The following KDM5A variants were observed in gnomAD, a reference collection of about 807,000 sequenced individuals.
The protein encoded by KDM5A is lysine-specific demethylase 5A.
A neutral mutation model predicts 193.5 loss-of-function variants in KDM5A; 42 were observed. The ratio of observed to expected loss-of-function variants is 0.22; its 90% CI spans 0.17 to 0.28. The LOEUF (loss-of-function observed/expected upper bound fraction) is 0.28. Among genes scored for constraint, KDM5A ranks in the 10% least tolerant of loss-of-function variants. The pLI is 1.00. For missense variants in KDM5A, 1,692 were observed against 2,055.1 expected (o/e 0.82, Z 3.42); for synonymous variants, 796 against 718.1 (o/e 1.11, Z -1.73).
In KDM5A at chr12:284,453, G is replaced by A. The variant is rs1160531075; in HGVS notation, c.*1003C>T. The A allele has an allele frequency of 4.3e-6, 1 of 232,472 alleles. No individual in the cohort carries two copies. Among genetic ancestry groups the A allele is most frequent in the East Asian group, 6.1e-5 (1 of 16,440 alleles). 14.4% of individuals were successfully genotyped at this position (232,472 alleles called of 1,614,324 possible). A position where few individuals can be genotyped will look rare whatever the true frequency, so the allele number is the denominator to read the frequency against. Reference sequence around the variant, plus strand: ...TGTGGGCCGTAGTTAGAAATCACCAGTGTTGGAAACAGCAGACATTGGGGT... The same window carrying A: ...TGTGGGCCGTAGTTAGAAATCACCAATGTTGGAAACAGCAGACATTGGGGT... On this transcript the variant is annotated 3_prime_UTR_variant, in exon 28 of 28. Transcript: ENST00000399788.
chr12:346,242 C>G (rs891425796), intron 10 of KDM5A, among the ~76,000 whole-genome samples: 1 of 152,116 alleles, frequency 6.6e-6, no homozygotes, highest in African/African-American at 2.4e-5. Flanking sequence ...CTGAACAGAC[C>G]AATAGCAGGC....
intron 5 of KDM5A, among the ~76,000 whole-genome samples, chr12:359,656 G>A (rs1944269717): frequency 1.3e-5 from 2 of 150,806 alleles, no homozygotes; most frequent in African/African-American, 2.4e-5. Flanking sequence ...GTGGGAGGAT[G>A]GCTTTAGCCC....
intron 20 of KDM5A, among the ~76,000 whole-genome samples, chr12:312,027 C>CT (rs1682189503): frequency 6.6e-6 from 1 of 152,048 alleles, no homozygotes; most frequent in Non-Finnish European, 1.5e-5. Context: ...GAGCAAGACT[C>CT]TGTCTCAAAA....
At chr12:290,428 CG>C (rs1399622156) in intron 27 of KDM5A, among the ~76,000 whole-genome samples, 1 of 152,286 alleles carries the variant, frequency 6.6e-6, no homozygotes, top group East Asian at 1.9e-4. Context: ...CTCACCTTTA[CG>C]TATCGTAACA....
chr12:380,621 G>C (rs1302017584), intron 3 of KDM5A, among the ~76,000 whole-genome samples: 1 of 151,950 alleles, frequency 6.6e-6, no homozygotes, highest in Non-Finnish European at 1.5e-5. Context: ...TACTCAGAAG[G>C]CTGAGGCATG....
At chr12:323,947 A>G (rs1375986130) in intron 14 of KDM5A, among the ~76,000 whole-genome samples, 166 bp from the exon 15 acceptor site, 7 of 152,234 alleles carry the variant, frequency 4.6e-5, no homozygotes, top group Admixed American at 1.3e-4. Flanking sequence ...AATCATTGCT[A>G]AATTTTTTTC....
At position 301,083 on chromosome 12, in the gene KDM5A, G is replaced by A. The variant is rs527877827; in HGVS notation, c.4075-3883C>T. Among the ~76,000 whole-genome samples, 164 of 152,220 alleles carry A rather than the reference G, an allele frequency of 1.1e-3. 1 individual carries two copies. The highest frequency in any genetic ancestry group is 1.7e-3 in the Non-Finnish European group (119 of 68,002). On this transcript the variant is annotated intron_variant, in intron 24 of 27. Coordinates refer to ENST00000399788, the MANE Select transcript of KDM5A (RefSeq NM_001042603.3). ...TCCAGGACCAGACAGATTCATAGCC[G>A]AATTCTACCAGAGGTACAAAGAGGA...
At position 323,812 on chromosome 12, in the gene KDM5A, T is replaced by G. The variant is rs374201991; in HGVS notation, c.1969-31A>C. On this transcript the variant is annotated intron_variant, in intron 14 of 27. Coordinates refer to ENST00000399788, the MANE Select transcript of KDM5A (RefSeq NM_001042603.3). ...ATATAATTTATTTCACTAGATCAAG[T>G]CTTTCTAGTCTTTAAAGCATCAAAA... 2.5e-6 allele frequency: 4 copies of G among 1,571,052 alleles called. No individual in the cohort carries two copies. The African/African-American group carries it at 5.4e-5, about 21-fold the overall frequency.
intron 3 of KDM5A, among the ~76,000 whole-genome samples, chr12:381,241 G>A (rs1476189983): frequency 6.6e-6 from 1 of 152,106 alleles, no homozygotes; most frequent in Non-Finnish European, 1.5e-5. Context: ...TGATCCTCCT[G>A]CCTCAGCCTC....
Position 282,106 on chromosome 12 carries a change from G to A in KDM5A, c.*3350C>T, listed in dbSNP as rs1376929400. On this transcript the variant is annotated 3_prime_UTR_variant, in exon 28 of 28. Transcript: ENST00000399788. ...CTAACCTTACAGCTCAGCCTGCACA[G>A]AAGCACAGAAGCAAAGCCCAGGCAG... The A allele has an allele frequency of 3.3e-6, 1 of 302,738 alleles. No homozygotes were observed. The highest frequency in any genetic ancestry group is 6.4e-6 in the Non-Finnish European group (1 of 156,970). 18.8% of individuals were successfully genotyped at this position (302,738 alleles called of 1,614,324 possible).
At chr12:381,999 T>C (rs765568819) in intron 3 of KDM5A, among the ~76,000 whole-genome samples, 3 of 152,076 alleles carry the variant, frequency 2.0e-5, no homozygotes, top group Admixed American at 1.3e-4. Flanking sequence ...TTTGTAGAGA[T>C]GGAGTCTCAC....
chr12:300,977 C>T (rs1008604389), intron 24 of KDM5A, among the ~76,000 whole-genome samples: 13 of 152,050 alleles, frequency 8.5e-5, no homozygotes, highest in African/African-American at 2.7e-4. Flanking sequence ...ACGACTAAAC[C>T]AGGAAGAAGT....
intron 1 of KDM5A, among the ~76,000 whole-genome samples, chr12:386,647 G>C (rs1944640723): frequency 6.6e-6 from 1 of 152,144 alleles, no homozygotes; most frequent in Admixed American, 6.6e-5. Context: ...AGGAGCTTAA[G>C]ACCAGCCCAG....
At chr12:384,263 T>A in intron 2 of KDM5A, 110 bp from the exon 3 acceptor site, 1 of 822,834 alleles carries the variant, frequency 1.2e-6, no homozygotes, top group Non-Finnish European at 2.1e-6. Flanking sequence ...CAGCGGCCTG[T>A]TAGGAACCCA....
At chr12:311,324 A>G in intron 20 of KDM5A, 1 of 463,818 alleles carries the variant, frequency 2.2e-6, no homozygotes, top group Non-Finnish European at 3.9e-6. Context: ...AGTTCAAAGG[A>G]CAATCTAAAG....
chr12:318,288 G>A lies in KDM5A; in HGVS notation c.2715C>T (p.Asp905=), dbSNP rs747419006. ...KQELQQARWL[D]EVRLTLSDPQ... is the part of the protein sequence containing the mutation. ...GATCTGATAAGGTCAGTCTTACTTC[G>A]TCCAACCACCGAGCCTGTTGTAGCT... The change falls in exon 19 of 28, where the codon GAC becomes GAT. Residue 905 remains aspartate (D), a synonymous_variant. Transcript: ENST00000399788. 8 of 1,613,852 alleles carry A rather than the reference G, an allele frequency of 5.0e-6. No individual in the cohort carries two copies. Among genetic ancestry groups the A allele is most frequent in the South Asian group, 1.1e-5 (1 of 91,076 alleles).
intron 14 of KDM5A, among the ~76,000 whole-genome samples, chr12:325,137 T>A (rs1187042768): frequency 1.8e-4 from 27 of 152,220 alleles, no homozygotes; most frequent in Admixed American, 1.8e-3. Context: ...TATTCTCTTA[T>A]CTTTCCATTT....
chr12:336,009 C>T (rs1323774624), intron 10 of KDM5A, among the ~76,000 whole-genome samples: 8 of 137,554 alleles, frequency 5.8e-5, no homozygotes, highest in Non-Finnish European at 1.2e-4. Context: ...CGGCATTGCA[C>T]TCCAGTCTGG....
chr12:358,074 A>T (rs1199773833), intron 5 of KDM5A, among the ~76,000 whole-genome samples: 1 of 152,260 alleles, frequency 6.6e-6, no homozygotes, highest in South Asian at 2.1e-4. Context: ...TATGTGAAAA[A>T]TTTGTTATTA....
Sources: allele counts gnomAD v4.1 joint callset (sites outside exome capture counted in the v4.1 genomes callset), GRCh38; gene constraint gnomAD v4.1.1; transcripts MANE v1.5; gene names NCBI Gene and HGNC (gene_info 2026-07-23, HGNC 2026-07-21).